Variants in IRF2 observed in about 807,000 individuals in gnomAD.
IRF2 encodes interferon regulatory factor 2.
In IRF2, 15 loss-of-function variants were observed where a neutral mutation model predicts 40.6. The observed-to-expected ratio is 0.37, with a 90% CI of 0.25 to 0.57. The LOEUF (loss-of-function observed/expected upper bound fraction) is 0.57, where lower values mean the gene tolerates loss of function less well. Among genes scored for constraint, IRF2 ranks in the 20% least tolerant of loss-of-function variants. The pLI is 0.77. For missense variants in IRF2, 317 were observed against 455.7 expected (o/e 0.70, Z 2.77); for synonymous variants, 151 against 165.5 (o/e 0.91, Z 0.67).
intron 1 of IRF2, 106 bp from the exon 2 acceptor site, chr4:184,429,176 G>C: frequency 1.3e-6 from 1 of 787,894 alleles, no homozygotes; most frequent in Non-Finnish European, 2.1e-6. Flanking sequence ...CCTTTCCTGG[G>C]GCTGGGGACC....
At chr4:184,467,111 T>C (rs1340870958) in intron 1 of IRF2, among the ~76,000 whole-genome samples, 1 of 152,158 alleles carries the variant, frequency 6.6e-6, no homozygotes, top group Non-Finnish European at 1.5e-5. Flanking sequence ...GCCTAGCAGT[T>C]TTCCCATCAG....
intron 1 of IRF2, among the ~76,000 whole-genome samples, chr4:184,469,535 T>C (rs559527596): frequency 6.6e-6 from 1 of 152,196 alleles, no homozygotes; most frequent in Non-Finnish European, 1.5e-5. Context: ...TGTCGGGCTT[T>C]GGGGTGGCAC....
chr4:184,442,989 G>C (rs528373540), intron 1 of IRF2, among the ~76,000 whole-genome samples: 1 of 151,506 alleles, frequency 6.6e-6, no homozygotes, highest in African/African-American at 2.4e-5. Context: ...GCAATGGCAC[G>C]ATCTCTGCTC....
rs184371204 is a variant in IRF2 at position 184,451,778 on chromosome 4, A to C, written c.-7+22601T>G. On this transcript the variant is annotated intron_variant, in intron 1 of 8. Coordinates refer to ENST00000393593, the MANE Select transcript of IRF2 (RefSeq NM_002199.4). The stretch of plus-strand genomic sequence containing the variant: ...GTGAACATTGAAGTCCCCCAGGCCC[A>C]CAGATCAGAAAGAAAACACAAGCCA... Among the ~76,000 whole-genome samples, 816 of 152,298 alleles carry C rather than the reference A, an allele frequency of 5.4e-3. 42 individuals are homozygous for C. The highest frequency in any genetic ancestry group is 0.052 in the Admixed American group (790 of 15,302).
intron 1 of IRF2, among the ~76,000 whole-genome samples, chr4:184,438,909 G>A (rs1274441310): frequency 3.3e-5 from 5 of 152,138 alleles, no homozygotes; most frequent in East Asian, 1.9e-4. Context: ...CTCTGCCTGC[G>A]ACATTCAAAT....
chr4:184,458,961 G>A (rs780976326), intron 1 of IRF2, among the ~76,000 whole-genome samples: 23 of 151,624 alleles, frequency 1.5e-4, no homozygotes, highest in Non-Finnish European at 2.6e-4. Flanking sequence ...CTGTTATTAC[G>A]GCAATATTTT....
intron 5 of IRF2, among the ~76,000 whole-genome samples, chr4:184,409,345 C>T (rs543983188): frequency 1.3e-5 from 2 of 152,132 alleles, no homozygotes; most frequent in African/African-American, 4.8e-5. Context: ...AAGTCACTAA[C>T]GGAAGGAGGG....
At position 184,454,049 on chromosome 4, in the gene IRF2, A is replaced by G. The variant is rs1196478931; in HGVS notation, c.-7+20330T>C. On this transcript the variant is annotated intron_variant, in intron 1 of 8. Coordinates refer to ENST00000393593, the MANE Select transcript of IRF2 (RefSeq NM_002199.4). ...ACATCACTAGCAGACTACCTTGAAA[A>G]CCAACGCCTTCCCAAAAACCAGTTG... Among the ~76,000 whole-genome samples, 9 of 152,294 alleles carry G rather than the reference A, an allele frequency of 5.9e-5. No individual in the cohort carries two copies. The East Asian group carries it at 1.7e-3, about 29-fold the overall frequency.
intron 1 of IRF2, among the ~76,000 whole-genome samples, chr4:184,438,064 A>G (rs1561112970): frequency 6.6e-6 from 1 of 152,168 alleles, no homozygotes; most frequent in Non-Finnish European, 1.5e-5. Context: ...CATCATCCCC[A>G]TCATTAATAC....
intron 2 of IRF2, among the ~76,000 whole-genome samples, chr4:184,419,949 C>A (rs996571957): frequency 6.6e-6 from 1 of 152,218 alleles, no homozygotes; most frequent in Admixed American, 6.5e-5. Flanking sequence ...CTCACTACAA[C>A]CTCCACCTCC....
chr4:184,426,982 T>C (rs974324879), intron 2 of IRF2, among the ~76,000 whole-genome samples: 3 of 152,230 alleles, frequency 2.0e-5, no homozygotes, highest in African/African-American at 7.2e-5. Flanking sequence ...AGCTAATGCA[T>C]GTACCTTGCT....
chr4:184,468,223 C>T (rs3775584), intron 1 of IRF2, among the ~76,000 whole-genome samples: 48,680 of 152,146 alleles, frequency 0.32, 9,509 homozygotes, highest in East Asian at 0.48. Context: ...CGCGGTGGCT[C>T]ACACCTGTAA....
At chr4:184,451,310 A>G (rs922809288) in intron 1 of IRF2, among the ~76,000 whole-genome samples, 3 of 152,240 alleles carry the variant, frequency 2.0e-5, no homozygotes, top group Non-Finnish European at 4.4e-5. Flanking sequence ...AAATATATAC[A>G]TGCAAAAGTC....
chr4:184,431,685 G>T (rs139012732), intron 1 of IRF2, among the ~76,000 whole-genome samples: 2 of 152,128 alleles, frequency 1.3e-5, no homozygotes, highest in Non-Finnish European at 2.9e-5. Context: ...AGCAACAGAC[G>T]CCAGTTCTCC....
intron 6 of IRF2, among the ~76,000 whole-genome samples, chr4:184,400,657 C>T (rs1006822041): frequency 3.9e-5 from 6 of 152,136 alleles, no homozygotes; most frequent in Non-Finnish European, 5.9e-5. Context: ...CCGGAGTGAC[C>T]GTGCCATTTT....
At chr4:184,451,209 G>A (rs1371426629) in intron 1 of IRF2, among the ~76,000 whole-genome samples, 1 of 152,172 alleles carries the variant, frequency 6.6e-6, no homozygotes, top group Non-Finnish European at 1.5e-5. Flanking sequence ...AGGTAAAGAG[G>A]GTCAAGGTGA....
chr4:184,458,196 G>A (rs1456511436), intron 1 of IRF2, among the ~76,000 whole-genome samples: 1 of 152,168 alleles, frequency 6.6e-6, no homozygotes, highest in Non-Finnish European at 1.5e-5. Flanking sequence ...AGTTCATGAT[G>A]GGTAGCTCCA....
intron 7 of IRF2, among the ~76,000 whole-genome samples, chr4:184,396,765 C>T (rs772477256): frequency 2.6e-5 from 4 of 151,986 alleles, no homozygotes; most frequent in Non-Finnish European, 4.4e-5. Context: ...GGGATGATGA[C>T]GATACCCAGG....
In IRF2 at chr4:184,389,018, T is replaced by C; in HGVS notation, c.790A>G (p.Ser264Gly). The change falls in exon 9 of 9, where the codon AGC becomes GGC. Residue 264 changes from serine to glycine, a missense_variant. By Grantham distance (56) the Ser-to-Gly change is moderately conservative (BLOSUM62 0). Coordinates refer to ENST00000393593, the MANE Select transcript of IRF2 (RefSeq NM_002199.4). ...KRNIEGKQYL[S>G]NMGTRGSYLL... ...TAGGAGCCTCGAGTCCCCATGTTGC[T>C]GAGGTACTGTTTGCCTTCAATATTC... The C allele has an allele frequency of 6.2e-7, 1 of 1,614,242 alleles. No homozygotes were observed.
Sources: allele counts gnomAD v4.1 joint callset (sites outside exome capture counted in the v4.1 genomes callset), GRCh38; gene constraint gnomAD v4.1.1; transcripts MANE v1.5; gene names NCBI Gene and HGNC (gene_info 2026-07-23, HGNC 2026-07-21).